EFHC2: variants seen among roughly 807,000 people sequenced by gnomAD.
EFHC2 encodes the protein EF-hand domain-containing family member C2.
Under a neutral mutation model 52.7 loss-of-function variants are expected in EFHC2, and 18 were observed. That is an observed-to-expected ratio of 0.34 (90% CI 0.24 to 0.51). EFHC2 has a LOEUF of 0.51. Ranked by LOEUF, EFHC2 falls within the 20% of genes least tolerant of loss-of-function variation. The pLI, the probability that EFHC2 is intolerant of heterozygous loss-of-function variation, is 0.97. For synonymous variants in EFHC2, 203 were observed against 204.1 expected (o/e 0.99, Z 0.04); for missense variants, 513 against 562.5 (o/e 0.91, Z 0.89).
chrX:44,151,572 A>C (rs189900622), intron 14 of EFHC2, among the ~76,000 whole-genome samples: 116 of 111,553 alleles, frequency 1.0e-3, no homozygotes, highest in African/African-American at 3.6e-3. Flanking sequence ...CTCTGTGTAT[A>C]CCAATATGTC....
intron 6 of EFHC2, among the ~76,000 whole-genome samples, 179 bp from the exon 7 acceptor site, chrX:44,248,589 T>C (rs1338696712): frequency 8.9e-6 from 1 of 112,656 alleles, no homozygotes; most frequent in African/African-American, 3.2e-5. Context: ...ATTTTAGCAC[T>C]GTAGTATTAT....
rs192216119 is a variant in EFHC2, at chrX:44,250,863, A to C, written c.607-418T>G. On this transcript the variant is annotated intron_variant, in intron 4 of 14. Coordinates refer to ENST00000420999, the MANE Select transcript of EFHC2 (RefSeq NM_025184.4). ...AAAAAGAAAAGAAAACAAAAAAGAT[A>C]TATTTTTCTACAGATTATTCTGTGA... Among the ~76,000 whole-genome samples, 13 of 108,199 alleles carry C rather than the reference A, an allele frequency of 1.2e-4. No individual in the cohort carries two copies. The East Asian group carries it at 3.7e-3, about 31-fold the overall frequency. 94.0% of individuals were successfully genotyped at this position (108,199 alleles called of 115,157 possible). A position where few individuals can be genotyped will look rare whatever the true frequency, so the allele number is the denominator to read the frequency against.
At chrX:44,199,725 T>C (rs1206343051) in intron 11 of EFHC2, among the ~76,000 whole-genome samples, 4 of 112,055 alleles carry the variant, frequency 3.6e-5, no homozygotes, top group Non-Finnish European at 5.6e-5. Flanking sequence ...ACATCACCAG[T>C]AGTAAGACAT....
chrX:44,221,697 G>T (rs938424058), intron 11 of EFHC2, among the ~76,000 whole-genome samples: 3 of 111,541 alleles, frequency 2.7e-5, no homozygotes, highest in Non-Finnish European at 5.7e-5. Flanking sequence ...AAAACCTGCT[G>T]TGCAATTCTG....
Position 44,253,014 on chromosome X carries a change from C to T in EFHC2, c.607-2569G>A, listed in dbSNP as rs779775553. Among the ~76,000 whole-genome samples, 34 of 111,201 alleles carry T rather than the reference C, an allele frequency of 3.1e-4. No individual in the cohort carries two copies. In the South Asian group the frequency reaches 6.5e-3, roughly 21 times the overall value. On this transcript the variant is annotated intron_variant, in intron 4 of 14. Coordinates refer to ENST00000420999, the MANE Select transcript of EFHC2 (RefSeq NM_025184.4). ...AAGCAGGGTGGGGCATCGCCTCACC[C>T]GGGAAGCACAAGGGGTCAGGGAACT...
intron 1 of EFHC2, among the ~76,000 whole-genome samples, chrX:44,326,820 C>T (rs1225034867): frequency 9.7e-6 from 1 of 103,472 alleles, no homozygotes; most frequent in Non-Finnish European, 2.0e-5. Flanking sequence ...CCTCAACCTC[C>T]TGGGCTCAAG....
chrX:44,262,512 C>CAAAAAAAAAAAAAAAAAAAAAA (rs749239313), intron 3 of EFHC2, among the ~76,000 whole-genome samples: 1 of 29,205 alleles, frequency 3.4e-5, no homozygotes, highest in Non-Finnish European at 6.8e-5. Context: ...AGCCCTGTCT[C>CAAAAAAAAAAAAAAAAAAAAAA]AAAAAAAAAA....
chrX:44,257,209 G>C (rs780609226), intron 4 of EFHC2, among the ~76,000 whole-genome samples: 2 of 111,290 alleles, frequency 1.8e-5, no homozygotes, highest in Admixed American at 1.9e-4. Context: ...ATGGGCAAAA[G>C]CTGGAAGCAT....
chrX:44,312,308 A>C (rs890492042), intron 2 of EFHC2, among the ~76,000 whole-genome samples: 1 of 112,300 alleles, frequency 8.9e-6, no homozygotes, highest in African/African-American at 3.2e-5. Flanking sequence ...TAGCCATTCC[A>C]TAGTGTATAC....
intron 4 of EFHC2, 93 bp from the exon 5 acceptor site, chrX:44,250,538 T>C (rs1237305857): frequency 1.5e-5 from 15 of 1,022,746 alleles, no homozygotes; most frequent in Non-Finnish European, 1.9e-5. Context: ...TAAAGATATA[T>C]TTTTGGTCAG....
rs149277263 is a variant in EFHC2 at position 44,217,893 on chromosome X, C to T, written c.1751+11756G>A. Among the ~76,000 whole-genome samples, 485 of 111,943 alleles carry T rather than the reference C, an allele frequency of 4.3e-3. 7 individuals carry two copies. The highest frequency in any genetic ancestry group is 0.034 in the Admixed American group (356 of 10,563). On this transcript the variant is annotated intron_variant, in intron 11 of 14. Transcript: ENST00000420999. ...AGGTTAAATGCTTAAGAGGATGCCC[C>T]ATTTTCCATGATGTGATTATTATGC...
intron 14 of EFHC2, among the ~76,000 whole-genome samples, chrX:44,163,587 C>A (rs1427254671): frequency 8.9e-6 from 1 of 112,045 alleles, no homozygotes; most frequent in Non-Finnish European, 1.9e-5. Flanking sequence ...GAGATTTGCT[C>A]TTGTGGCTTA....
intron 10 of EFHC2, 106 bp from the exon 11 acceptor site, chrX:44,229,885 G>T: frequency 1.2e-6 from 1 of 826,122 alleles, no homozygotes; most frequent in East Asian, 3.2e-5. Context: ...TGAATATGAA[G>T]TTAGCAGATT....
chrX:44,247,838 C>T (rs1422163146), intron 7 of EFHC2, among the ~76,000 whole-genome samples: 1 of 111,925 alleles, frequency 8.9e-6, no homozygotes, highest in Non-Finnish European at 1.9e-5. Flanking sequence ...CTGAGCCTCA[C>T]CAGGAAAGGT....
At chrX:44,248,635 A>G (rs368133008) in intron 6 of EFHC2, among the ~76,000 whole-genome samples, 168 bp downstream of exon 6, 1 of 112,563 alleles carries the variant, frequency 8.9e-6, no homozygotes, top group Non-Finnish European at 1.9e-5. Flanking sequence ...ATATTTATAT[A>G]GACATTTCAG....
chrX:44,325,715 A>G (rs1280459728), intron 1 of EFHC2, among the ~76,000 whole-genome samples: 1 of 105,449 alleles, frequency 9.5e-6, no homozygotes, highest in Non-Finnish European at 1.9e-5. Context: ...TTTCTAGCCT[A>G]CACTCAAAAG....
chrX:44,281,183 G>C (rs1279951066), intron 2 of EFHC2, among the ~76,000 whole-genome samples: 2 of 112,430 alleles, frequency 1.8e-5, no homozygotes, highest in East Asian at 5.6e-4. Flanking sequence ...GCCTCCCAAA[G>C]TGCTGGGATT....
intron 11 of EFHC2, among the ~76,000 whole-genome samples, chrX:44,224,327 T>A (rs1257378836): frequency 8.9e-6 from 1 of 111,963 alleles, no homozygotes; most frequent in Non-Finnish European, 1.9e-5. Flanking sequence ...ACAATAAGAA[T>A]TTTAATATCA....
chrX:44,286,584 T>C (rs903335670), intron 2 of EFHC2, among the ~76,000 whole-genome samples: 2 of 111,431 alleles, frequency 1.8e-5, no homozygotes, highest in Non-Finnish European at 3.8e-5. Flanking sequence ...TAAATCCCTG[T>C]CCTCTGCAGC....
Sources: allele counts gnomAD v4.1 joint callset (sites outside exome capture counted in the v4.1 genomes callset), GRCh38; gene constraint gnomAD v4.1.1; transcripts MANE v1.5; gene names NCBI Gene and HGNC (gene_info 2026-07-23, HGNC 2026-07-21).